The following SLC24A2 variants were observed in gnomAD, a reference collection of about 807,000 sequenced individuals.
SLC24A2 encodes the protein sodium/potassium/calcium exchanger 2.
SLC24A2 carries 36 observed loss-of-function variants against 62.0 expected under a neutral mutation model. The ratio of observed to expected loss-of-function variants is 0.58; its 90% CI spans 0.44 to 0.77. The LOEUF (loss-of-function observed/expected upper bound fraction) is 0.77. SLC24A2 is among the 30% of genes least tolerant of loss of function. The probability of loss-of-function intolerance (pLI) is 0.00; values close to 1 mark genes in which losing one functional copy is unlikely to be tolerated. For synonymous variants in SLC24A2, 358 were observed against 294.0 expected, an observed-to-expected ratio of 1.22 and a Z score of -2.23; for missense variants, 846 against 817.9, an observed-to-expected ratio of 1.03 and a Z score of -0.42.
the SLC24A2 span, among the ~76,000 whole-genome samples, chr9:20,070,160 C>T: frequency 7.9e-5 from 12 of 152,206 alleles, no homozygotes; most frequent in Middle Eastern, 3.4e-3. Context: ...TCTTAGTCTC[C>T]GAGATTCTTT....
chr9:19,642,403 G>C (rs750035450), intron 2 of SLC24A2, among the ~76,000 whole-genome samples: 23 of 152,158 alleles, frequency 1.5e-4, no homozygotes, highest in Admixed American at 3.3e-4. Flanking sequence ...TGGTGACAAA[G>C]CTCAGCTGGA....
At chr9:20,133,009 T>C in the SLC24A2 span, among the ~76,000 whole-genome samples, 1 of 152,110 alleles carries the variant, frequency 6.6e-6, no homozygotes, top group Non-Finnish European at 1.5e-5. Context: ...TGAACCAAAT[T>C]TCAATCTCAA....
chr9:19,839,526 G>A, the SLC24A2 span, among the ~76,000 whole-genome samples: 1 of 151,846 alleles, frequency 6.6e-6, no homozygotes, highest in Non-Finnish European at 1.5e-5. Context: ...ATTCTTTTGT[G>A]TAGTGGATTG....
At chr9:19,988,490 G>A in the SLC24A2 span, among the ~76,000 whole-genome samples, 1 of 152,160 alleles carries the variant, frequency 6.6e-6, no homozygotes, top group African/African-American at 2.4e-5. Context: ...AGGAAGTTTC[G>A]ACTGGCACAA....
the SLC24A2 span, among the ~76,000 whole-genome samples, chr9:20,012,483 C>G: frequency 6.6e-6 from 1 of 152,188 alleles, no homozygotes; most frequent in Non-Finnish European, 1.5e-5. Flanking sequence ...ACAGTCAAAA[C>G]ATATCACCCA....
At chr9:20,135,854 A>G in the SLC24A2 span, among the ~76,000 whole-genome samples, 1 of 152,144 alleles carries the variant, frequency 6.6e-6, no homozygotes, top group African/African-American at 2.4e-5. Flanking sequence ...AAGACAAGAC[A>G]CATTTTGAAA....
the SLC24A2 span, among the ~76,000 whole-genome samples, chr9:20,189,180 T>C: frequency 6.6e-6 from 1 of 151,802 alleles, no homozygotes; most frequent in African/African-American, 2.4e-5. Flanking sequence ...TGGTTCGATC[T>C]CAATTTTCAA....
chr9:20,146,655 T>G, the SLC24A2 span, among the ~76,000 whole-genome samples: 1 of 152,088 alleles, frequency 6.6e-6, no homozygotes, highest in Non-Finnish European at 1.5e-5. Flanking sequence ...TTTTTAAACC[T>G]ACAGGATAGC....
the SLC24A2 span, among the ~76,000 whole-genome samples, chr9:20,132,834 A>C: frequency 6.6e-6 from 1 of 152,164 alleles, no homozygotes; most frequent in African/African-American, 2.4e-5. Flanking sequence ...CTCAAAAAAT[A>C]TAGCTTTTAC....
At chr9:20,249,642 C>T in the SLC24A2 span, among the ~76,000 whole-genome samples, 2 of 141,152 alleles carry the variant, frequency 1.4e-5, no homozygotes, top group African/African-American at 2.7e-5. Context: ...GAGGCAGAGG[C>T]TACAGTGAGC....
intron 4 of SLC24A2, among the ~76,000 whole-genome samples, chr9:19,610,589 G>A (rs1486624762): frequency 6.6e-6 from 1 of 152,198 alleles, no homozygotes. Context: ...TCCCATTGCA[G>A]CAGTGACTCC....
At chr9:19,881,228 C>T in the SLC24A2 span, among the ~76,000 whole-genome samples, 3 of 152,022 alleles carry the variant, frequency 2.0e-5, no homozygotes, top group African/African-American at 4.8e-5. Flanking sequence ...CCGAGATCCT[C>T]CAATATTTAG....
the SLC24A2 span, among the ~76,000 whole-genome samples, chr9:20,029,202 C>T: frequency 6.6e-6 from 1 of 152,198 alleles, no homozygotes; most frequent in African/African-American, 2.4e-5. Context: ...CACAGCTGAG[C>T]ACTGTGGTTA....
chr9:20,304,297 A>G, the SLC24A2 span, among the ~76,000 whole-genome samples: 1 of 151,808 alleles, frequency 6.6e-6, no homozygotes, highest in Non-Finnish European at 1.5e-5. Context: ...CAGCCCCGGG[A>G]GCGGATTCTG....
At chr9:19,992,203 C>T in the SLC24A2 span, among the ~76,000 whole-genome samples, 1 of 152,178 alleles carries the variant, frequency 6.6e-6, no homozygotes, top group Admixed American at 6.5e-5. Flanking sequence ...GAGAACAACT[C>T]TGTATATACC....
chr9:19,973,176 A>C, the SLC24A2 span, among the ~76,000 whole-genome samples: 3 of 152,236 alleles, frequency 2.0e-5, no homozygotes, highest in Admixed American at 1.3e-4. Context: ...CCATTTCTAA[A>C]AACAAACAAA....
chr9:20,020,365 T>A, the SLC24A2 span, among the ~76,000 whole-genome samples: 6 of 152,176 alleles, frequency 3.9e-5, no homozygotes, highest in Non-Finnish European at 5.9e-5. Flanking sequence ...ATGTGGCACA[T>A]CTACACCATG....
intron 2 of SLC24A2, among the ~76,000 whole-genome samples, chr9:19,712,440 C>T (rs1309740165): frequency 6.6e-6 from 1 of 152,100 alleles, no homozygotes; most frequent in African/African-American, 2.4e-5. Context: ...TCCTTGTTTC[C>T]CACCAAAACC....
intron 5 of SLC24A2, among the ~76,000 whole-genome samples, chr9:19,596,055 T>C (rs149229260): frequency 6.6e-6 from 1 of 152,128 alleles, no homozygotes; most frequent in African/African-American, 2.4e-5. Flanking sequence ...TTAGAAAATA[T>C]CATGGTGGTT....
Sources: gnomAD v4.1 joint callset for allele counts (sites outside exome capture counted in the v4.1 genomes callset) on GRCh38, gnomAD v4.1.1 for gene constraint, MANE v1.5 for transcripts, NCBI Gene and HGNC (gene_info 2026-07-23, HGNC 2026-07-21) for gene names.